Variants in CAMK2D observed in about 807,000 individuals in gnomAD.
CAMK2D encodes the protein calcium/calmodulin dependent protein kinase II delta, also known as calcium/calmodulin-dependent protein kinase type II subunit delta.
In CAMK2D, 37 loss-of-function variants were observed where a neutral mutation model predicts 84.0. The ratio of observed to expected loss-of-function variants is 0.44; its 90% CI spans 0.34 to 0.58. CAMK2D has a LOEUF of 0.58. CAMK2D is among the 20% of genes least tolerant of loss of function. CAMK2D has a pLI of 0.02. For missense variants in CAMK2D, 448 were observed against 652.5 expected (o/e 0.69, Z 3.41); for synonymous variants, 202 against 212.5 (o/e 0.95, Z 0.43).
intron 2 of CAMK2D, among the ~76,000 whole-genome samples, chr4:113,682,013 G>A (rs2099347365): frequency 6.6e-6 from 1 of 152,122 alleles, no homozygotes; most frequent in African/African-American, 2.4e-5. Flanking sequence ...TGGGATACAG[G>A]AGCAGTGGAC....
At chr4:113,594,045 G>T (rs2098909847) in intron 4 of CAMK2D, among the ~76,000 whole-genome samples, 1 of 152,140 alleles carries the variant, frequency 6.6e-6, no homozygotes, top group Non-Finnish European at 1.5e-5. Context: ...GGCAGCATTT[G>T]CTTCTGGGGA....
intron 13 of CAMK2D, among the ~76,000 whole-genome samples, chr4:113,507,819 A>G (rs1181010355): frequency 6.6e-6 from 1 of 152,176 alleles, no homozygotes; most frequent in Non-Finnish European, 1.5e-5. Flanking sequence ...GTACATTGTA[A>G]GATCACTTTC....
At chr4:113,683,415 C>T (rs1469305269) in intron 2 of CAMK2D, among the ~76,000 whole-genome samples, 1 of 152,152 alleles carries the variant, frequency 6.6e-6, no homozygotes, top group African/African-American at 2.4e-5. Context: ...ATGAAATCAG[C>T]AGAGGGGAGA....
At chr4:113,744,611 T>G (rs2099600274) in intron 2 of CAMK2D, among the ~76,000 whole-genome samples, 1 of 152,226 alleles carries the variant, frequency 6.6e-6, no homozygotes, top group Non-Finnish European at 1.5e-5. Flanking sequence ...CATTGTTATC[T>G]TATCCACTAG....
At chr4:113,529,805 G>T (rs1399951606) in intron 8 of CAMK2D, among the ~76,000 whole-genome samples, 1 of 152,080 alleles carries the variant, frequency 6.6e-6, no homozygotes, top group African/African-American at 2.4e-5. Context: ...CTTAAACTCT[G>T]CCAAGTATCA....
intron 8 of CAMK2D, among the ~76,000 whole-genome samples, chr4:113,529,432 C>A (rs954124340): frequency 1.3e-5 from 2 of 152,126 alleles, no homozygotes; most frequent in African/African-American, 4.8e-5. Flanking sequence ...CTTTTCCAAG[C>A]TTGCTGACAA....
At chr4:113,562,870 C>A (rs1290315726) in intron 4 of CAMK2D, among the ~76,000 whole-genome samples, 4 of 152,090 alleles carry the variant, frequency 2.6e-5, no homozygotes, top group African/African-American at 4.8e-5. Context: ...TAATGAATGC[C>A]TGCAAAATTA....
chr4:113,500,705 C>T (rs2098026885), intron 15 of CAMK2D, among the ~76,000 whole-genome samples, 194 bp from the exon 16 acceptor site: 1 of 152,016 alleles, frequency 6.6e-6, no homozygotes, highest in Admixed American at 6.6e-5. Context: ...ACATTTCAAA[C>T]GGAGTACTCT....
chr4:113,566,396 T>C (rs1222402539), intron 4 of CAMK2D, among the ~76,000 whole-genome samples: 1 of 152,230 alleles, frequency 6.6e-6, no homozygotes, highest in African/African-American at 2.4e-5. Context: ...TCATTTTTTT[T>C]CTTTGACTCC....
intron 3 of CAMK2D, among the ~76,000 whole-genome samples, chr4:113,659,392 G>A (rs929031018): frequency 6.6e-5 from 10 of 152,184 alleles, no homozygotes; most frequent in Non-Finnish European, 1.2e-4. Flanking sequence ...AAATTCCTAT[G>A]TTGATATGCT....
At chr4:113,742,419 G>A (rs1328412327) in intron 2 of CAMK2D, among the ~76,000 whole-genome samples, 1 of 152,014 alleles carries the variant, frequency 6.6e-6, no homozygotes, top group Non-Finnish European at 1.5e-5. Context: ...GAAAAATCAT[G>A]AATAATTAGA....
intron 2 of CAMK2D, among the ~76,000 whole-genome samples, chr4:113,712,203 C>T (rs1301403504): frequency 6.6e-6 from 1 of 152,128 alleles, no homozygotes; most frequent in African/African-American, 2.4e-5. Context: ...CCATCAATCT[C>T]TAAGAGATAG....
Position 113,714,945 on chromosome 4 carries a change from T to G in CAMK2D, c.160+44375A>C, listed in dbSNP as rs570549647. ...CCCTTATGGTATTTTGCAACTAAAA[T>G]TTTATTGAATTTATAGATTAATTTG... is the stretch of plus-strand genomic sequence containing the variant. On this transcript the variant is annotated intron_variant, in intron 2 of 20. Coordinates refer to ENST00000511664, the MANE Select transcript of CAMK2D (RefSeq NM_001321571.2). Among the ~76,000 whole-genome samples the G allele has an allele frequency of 2.0e-5, 3 of 152,232 alleles. No individual in the cohort carries two copies. In the South Asian group the frequency reaches 6.2e-4, roughly 32 times the overall value.
At chr4:113,523,543 T>C (rs1013237177) in intron 8 of CAMK2D, among the ~76,000 whole-genome samples, 1 of 152,092 alleles carries the variant, frequency 6.6e-6, no homozygotes, top group Non-Finnish European at 1.5e-5. Flanking sequence ...GAGGCCGAAG[T>C]GGGCAGACTG....
intron 4 of CAMK2D, among the ~76,000 whole-genome samples, chr4:113,556,320 G>A (rs749843693): frequency 2.0e-5 from 3 of 152,124 alleles, no homozygotes; most frequent in Admixed American, 6.5e-5. Flanking sequence ...TTGCCCCTTG[G>A]ACACAATTTG....
rs796722167 is a variant in CAMK2D at position 113,535,223 on chromosome 4, C to T, written c.517+2118G>A. Reference sequence around the variant, plus strand: ...TCATGAAGTGGGGTCCTGCTTTGCTCTACACAGGACTCGAGTCCTGTCTTT... The same window carrying T: ...TCATGAAGTGGGGTCCTGCTTTGCTTTACACAGGACTCGAGTCCTGTCTTT... On this transcript the variant is annotated intron_variant, in intron 7 of 20. Coordinates refer to ENST00000511664, the MANE Select transcript of CAMK2D (RefSeq NM_001321571.2). Among the ~76,000 whole-genome samples the T allele has an allele frequency of 1.3e-4, 20 of 152,206 alleles. 1 individual carries two copies. The highest frequency in any genetic ancestry group is 4.8e-4 in the African/African-American group (20 of 41,534).
Position 113,585,295 on chromosome 4 carries a change from G to A in CAMK2D, c.275+23857C>T, listed in dbSNP as rs557066353. Among the ~76,000 whole-genome samples the A allele has an allele frequency of 5.9e-5, 9 of 152,224 alleles. No homozygotes were observed. In the South Asian group the frequency reaches 1.7e-3, roughly 28 times the overall value. On this transcript the variant is annotated intron_variant, in intron 4 of 20. Transcript: ENST00000511664. ...AAAGACAATATTTCATATAATCAAC[G>A]TGAGGAATTTCAGATTTGCAGTTGA...
At chr4:113,601,934 C>T (rs566173833) in intron 4 of CAMK2D, among the ~76,000 whole-genome samples, 32 of 151,950 alleles carry the variant, frequency 2.1e-4, no homozygotes, top group Admixed American at 4.6e-4. Context: ...TGGGCTTAAG[C>T]GATCTCCTGT....
intron 16 of CAMK2D, among the ~76,000 whole-genome samples, chr4:113,484,403 C>T (rs1317636413): frequency 1.3e-5 from 2 of 152,104 alleles, no homozygotes; most frequent in African/African-American, 2.4e-5. Context: ...GCCATTAGGG[C>T]TAGTATGATT....
Sources: gnomAD v4.1 joint callset for allele counts (sites outside exome capture counted in the v4.1 genomes callset) on GRCh38, gnomAD v4.1.1 for gene constraint, MANE v1.5 for transcripts, NCBI Gene and HGNC (gene_info 2026-07-23, HGNC 2026-07-21) for gene names.